The following RARB variants were observed in gnomAD, a reference collection of about 807,000 sequenced individuals.
RARB encodes the protein HBV-activated protein.
A neutral mutation model predicts 51.9 loss-of-function variants in RARB; 17 were observed. That is an observed-to-expected ratio of 0.33 (90% confidence interval 0.22 to 0.49). RARB has a LOEUF of 0.49. Among genes scored for constraint, RARB ranks in the 20% least tolerant of loss-of-function variants. The probability of loss-of-function intolerance (pLI) is 0.99; values close to 1 mark genes in which losing one functional copy is unlikely to be tolerated. For synonymous variants in RARB, 215 were observed against 195.4 expected, an observed-to-expected ratio of 1.10 and a Z score of -0.84; for missense variants, 369 against 550.8, an observed-to-expected ratio of 0.67 and a Z score of 3.30.
At chr3:24,934,075 A>G (rs1205633685) in intron 2 of RARB, among the ~76,000 whole-genome samples, 5 of 152,128 alleles carry the variant, frequency 3.3e-5, no homozygotes, top group African/African-American at 2.4e-5. Flanking sequence ...GAAGAGCGTG[A>G]TGATAAATAA....
At chr3:25,342,179 A>G (rs1186371547) in intron 5 of RARB, among the ~76,000 whole-genome samples, 1 of 152,258 alleles carries the variant, frequency 6.6e-6, no homozygotes, top group Non-Finnish European at 1.5e-5. Context: ...AATCACGTGA[A>G]GTTTGACCAG....
chr3:25,282,689 TTGC>T, intron 5 of RARB, among the ~76,000 whole-genome samples: 1 of 152,220 alleles, frequency 6.6e-6, no homozygotes, highest in Admixed American at 6.5e-5. Flanking sequence ...AGCCAGGGCA[TTGC>T]TGCTAGGCTT....
chr3:24,860,168 G>T (rs929827196), intron 2 of RARB, among the ~76,000 whole-genome samples: 2 of 152,164 alleles, frequency 1.3e-5, no homozygotes, highest in African/African-American at 4.8e-5. Context: ...GCCTCTTGGG[G>T]GTAGGCATCA....
chr3:25,017,317 T>G (rs1279823523), intron 2 of RARB, among the ~76,000 whole-genome samples: 3 of 150,820 alleles, frequency 2.0e-5, no homozygotes, highest in Non-Finnish European at 4.4e-5. Context: ...TGTTTCCACG[T>G]AGACCCCACA....
chr3:25,149,202 T>C (rs1182869749), intron 4 of RARB, among the ~76,000 whole-genome samples: 2 of 152,020 alleles, frequency 1.3e-5, no homozygotes, highest in Non-Finnish European at 2.9e-5. Flanking sequence ...ACAGAAAAAA[T>C]ATATAGTGGC....
chr3:25,372,261 T>A (rs1265344526), intron 5 of RARB, among the ~76,000 whole-genome samples: 1 of 152,182 alleles, frequency 6.6e-6, no homozygotes, highest in East Asian at 1.9e-4. Context: ...GTGAGGCCTG[T>A]CCTATGTATT....
At chr3:25,561,915 C>T (rs1700284819) in intron 3 of RARB, among the ~76,000 whole-genome samples, 1 of 152,108 alleles carries the variant, frequency 6.6e-6, no homozygotes, top group African/African-American at 2.4e-5. Context: ...CTTTTTTGCC[C>T]TCCTGCCCTT....
rs142531342 is a variant in RARB, at chr3:25,166,674, G to A, written c.-279-7445G>A. Among the ~76,000 whole-genome samples, 442 of 150,712 alleles carry A rather than the reference G, an allele frequency of 2.9e-3. 4 individuals are homozygous for A. Among genetic ancestry groups the A allele is most frequent in the Middle Eastern group, 0.017 (5 of 294 alleles). On this transcript the variant is annotated intron_variant, in intron 4 of 11. Transcript: ENST00000383772. Reference sequence around the variant, plus strand: ...AATTGCAGCCAGAGGAAATGGATACGTTTTCTCCAAAAATCTTGTCTGTTT... The same window carrying A: ...AATTGCAGCCAGAGGAAATGGATACATTTTCTCCAAAAATCTTGTCTGTTT...
Position 25,172,960 on chromosome 3 carries a change from A to G in RARB, c.-279-1159A>G, listed in dbSNP as rs556344052. Among the ~76,000 whole-genome samples the G allele has an allele frequency of 2.6e-5, 4 of 152,358 alleles. No homozygotes were observed. In the South Asian group the frequency reaches 6.2e-4, roughly 24 times the overall value. ...AGGGGCAGAATTATTTGAGCTGGACACACTGGCTCTAGAATCACGCTCTTA... is the reference window on the plus strand; with the variant it reads ...AGGGGCAGAATTATTTGAGCTGGACGCACTGGCTCTAGAATCACGCTCTTA... On this transcript the variant is annotated intron_variant, in intron 4 of 11. Transcript: ENST00000383772.
At chr3:24,947,489 G>T (rs769661602) in intron 2 of RARB, among the ~76,000 whole-genome samples, 10 of 152,218 alleles carry the variant, frequency 6.6e-5, no homozygotes, top group Non-Finnish European at 1.2e-4. Context: ...ATGAAGTTGG[G>T]CTAAAGAAGG....
intron 2 of RARB, among the ~76,000 whole-genome samples, chr3:24,905,284 G>T (rs1157359361): frequency 1.3e-5 from 2 of 152,164 alleles, no homozygotes; most frequent in African/African-American, 4.8e-5. Flanking sequence ...TGTGATGACA[G>T]TAATAAAAAT....
chr3:24,961,694 A>G (rs1460348189), intron 2 of RARB, among the ~76,000 whole-genome samples: 1 of 152,182 alleles, frequency 6.6e-6, no homozygotes, highest in African/African-American at 2.4e-5. Context: ...TCAACTCAGA[A>G]CAGGGAATTA....
chr3:25,323,934 TCAAGGATCAC>T (rs1459837935), intron 5 of RARB, among the ~76,000 whole-genome samples: 2 of 152,088 alleles, frequency 1.3e-5, no homozygotes, highest in Non-Finnish European at 2.9e-5. Context: ...CAATAGGCAA[TCAAGGATCAC>T]CAAGCACATG....
intron 2 of RARB, among the ~76,000 whole-genome samples, chr3:24,952,915 C>T (rs1695929353): frequency 6.6e-6 from 1 of 151,738 alleles, no homozygotes; most frequent in African/African-American, 2.4e-5. Flanking sequence ...TTTTCTTTTG[C>T]CTCAGAAGCT....
chr3:25,231,570 TG>T (rs1015814632), intron 5 of RARB, among the ~76,000 whole-genome samples: 3 of 152,184 alleles, frequency 2.0e-5, no homozygotes, highest in African/African-American at 7.2e-5. Flanking sequence ...GAGTTCCAGT[TG>T]ATCTATATCT....
At chr3:25,150,746 G>C (rs951404585) in intron 4 of RARB, among the ~76,000 whole-genome samples, 2 of 152,152 alleles carry the variant, frequency 1.3e-5, no homozygotes, top group African/African-American at 2.4e-5. Context: ...ACTTCCAAGA[G>C]AGTGCAATAA....
intron 2 of RARB, among the ~76,000 whole-genome samples, chr3:25,030,586 C>A (rs1030825941): frequency 1.3e-5 from 2 of 152,134 alleles, no homozygotes; most frequent in Non-Finnish European, 2.9e-5. Flanking sequence ...CCTGGCAATT[C>A]TTTAAATTAA....
intron 2 of RARB, among the ~76,000 whole-genome samples, chr3:25,018,614 G>A (rs910386800): frequency 6.6e-6 from 1 of 152,142 alleles, no homozygotes; most frequent in African/African-American, 2.4e-5. Flanking sequence ...GCCCATATGA[G>A]CAGGTCACAG....
At position 24,958,255 on chromosome 3, in the gene RARB, G is replaced by GTTTT. The variant is rs71057692; in HGVS notation, c.-380+99534_-380+99537dup. Among the ~76,000 whole-genome samples, 646 of 69,360 alleles carry GTTTT rather than the reference G, an allele frequency of 9.3e-3. 85 individuals are homozygous for GTTTT. The highest frequency in any genetic ancestry group is 0.015 in the Admixed American group (66 of 4,532). The allele number at this position is 69,360 out of a possible 152,430, so 45.5% of individuals were successfully genotyped here. ...ACCTGAAGCTTCCTGAGCTGCTCAG[G>GTTTT]TTTTTTTTTTTTTTTTTTTTTTTTT... On this transcript the variant is annotated intron_variant, in intron 2 of 11. Coordinates refer to the RARB transcript ENST00000383772.
Sources: gnomAD v4.1 joint callset for allele counts (sites outside exome capture counted in the v4.1 genomes callset) on GRCh38, gnomAD v4.1.1 for gene constraint, MANE v1.5 for transcripts, NCBI Gene and HGNC (gene_info 2026-07-23, HGNC 2026-07-21) for gene names.